Variants in AHRR observed in about 807,000 individuals in gnomAD.
AHRR encodes the protein ahR repressor.
A neutral mutation model predicts 44.0 loss-of-function variants in AHRR; 28 were observed. That is an observed-to-expected ratio of 0.64 (90% confidence interval 0.47 to 0.87). AHRR has a LOEUF of 0.87. Among genes scored for constraint, AHRR ranks in the 40% least tolerant of loss-of-function variants. AHRR has a pLI of 0.00. For missense variants in AHRR, 990 were observed against 953.9 expected, an observed-to-expected ratio of 1.04 and a Z score of -0.50; for synonymous variants, 434 against 407.0, an observed-to-expected ratio of 1.07 and a Z score of -0.80.
At chr5:432,592 TC>T in intron 9 of AHRR, 68 bp downstream of exon 9, 1 of 1,569,066 alleles carries the variant, frequency 6.4e-7, no homozygotes, top group Middle Eastern at 1.7e-4. Flanking sequence ...TTGGAGAGCT[TC>T]CCCGCCCAGT....
intron 2 of AHRR, among the ~76,000 whole-genome samples, chr5:348,333 C>CTTT (rs34078521): frequency 7.0e-6 from 1 of 142,030 alleles, no homozygotes; most frequent in Non-Finnish European, 1.5e-5. Flanking sequence ...TCCCCCCCTC[C>CTTT]TTTTTTTTTT....
At chr5:322,956 G>C (rs1456827601) in intron 1 of AHRR, among the ~76,000 whole-genome samples, 1 of 152,252 alleles carries the variant, frequency 6.6e-6, no homozygotes, top group Non-Finnish European at 1.5e-5. Context: ...CGGGAGAAAG[G>C]TTCTTAGAAA....
At chr5:355,546 G>C (rs1288877507) in intron 3 of AHRR, among the ~76,000 whole-genome samples, 1 of 152,170 alleles carries the variant, frequency 6.6e-6, no homozygotes, top group Admixed American at 6.5e-5. Context: ...GGTTGGAGGA[G>C]AGGCCAGGTC....
chr5:377,415 G>T (rs970150412), intron 4 of AHRR, among the ~76,000 whole-genome samples: 5 of 152,194 alleles, frequency 3.3e-5, no homozygotes. Flanking sequence ...CCCAGGATGG[G>T]GTTGAGTGGG....
At chr5:426,655 A>ATGGATGGG (rs975417066) in intron 7 of AHRR, among the ~76,000 whole-genome samples, 1 of 149,804 alleles carries the variant, frequency 6.7e-6, no homozygotes, top group East Asian at 2.0e-4. Context: ...AGATAGAAAG[A>ATGGATGGG]TGGATGGGTG....
rs207465421 is a variant in AHRR at position 432,954 on chromosome 5, G to T, written c.1112+7G>T. The T allele has an allele frequency of 1.9e-6, 3 of 1,585,276 alleles. No individual in the cohort carries two copies. The highest frequency in any genetic ancestry group is 8.6e-7 in the Non-Finnish European group (1 of 1,164,856). ...ACCCCAAGGGGGGCTCAGGGTAAGTGGTGCCAGGCAGCCTCCCCCAGCCCT... is the reference window on the plus strand; with the variant it reads ...ACCCCAAGGGGGGCTCAGGGTAAGTTGTGCCAGGCAGCCTCCCCCAGCCCT... On this transcript the variant is annotated splice_region_variant and intron_variant, in intron 10 of 10. Coordinates refer to ENST00000684583, the MANE Select transcript of AHRR (RefSeq NM_001377236.1).
rs2672752 is a variant in AHRR, at chr5:404,181, C to A, written c.352-9163C>A. 0.13 allele frequency: 68,036 copies of A among 531,412 alleles called. 6,783 individuals carry two copies. The highest frequency in any genetic ancestry group is 0.4 in the African/African-American group (20,763 of 52,304). The allele number at this position is 531,412 out of a possible 1,614,324, so 32.9% of individuals were successfully genotyped here. On this transcript the variant is annotated intron_variant, in intron 4 of 10. Transcript: ENST00000684583. The surrounding 1 kb of genome is among the most constrained non-coding windows in gnomAD (Gnocchi z 4.1). The stretch of plus-strand genomic sequence containing the variant: ...GGTGGGTCTGCATTCCTGTCACGAG[C>A]TGGTCTTCTGCAGCCTTTGAACCCG...
chr5:416,227 C>T (rs1383168264), intron 5 of AHRR, among the ~76,000 whole-genome samples: 2 of 152,218 alleles, frequency 1.3e-5, no homozygotes, highest in South Asian at 2.1e-4. Context: ...CAGGCCACTG[C>T]CCTGTTGGGA....
chr5:393,640 C>A (rs531085858), intron 4 of AHRR, among the ~76,000 whole-genome samples: 1 of 146,896 alleles, frequency 6.8e-6, no homozygotes, highest in Middle Eastern at 3.5e-3. Flanking sequence ...TATTTGTTTT[C>A]TTTGGTTTTT....
In AHRR at chr5:435,024, C is replaced by T; in HGVS notation, c.*190C>T. On this transcript the variant is annotated 3_prime_UTR_variant, in exon 11 of 11. Transcript: ENST00000684583. Reference sequence around the variant, plus strand: ...CTATCCTGAATTTTGTAAAATATCCCAACAGTTCTTAAATGAAAACTGGCC... The same window carrying T: ...CTATCCTGAATTTTGTAAAATATCCTAACAGTTCTTAAATGAAAACTGGCC... 4 of 760,312 alleles carry T rather than the reference C, an allele frequency of 5.3e-6. No individual in the cohort carries two copies. In the Middle Eastern group the frequency reaches 1.1e-3, roughly 218 times the overall value. 47.1% of individuals were successfully genotyped at this position (760,312 alleles called of 1,614,324 possible).
At chr5:431,234 G>A (rs935276563) in intron 8 of AHRR, among the ~76,000 whole-genome samples, 13 of 152,234 alleles carry the variant, frequency 8.5e-5, no homozygotes, top group African/African-American at 3.1e-4. Flanking sequence ...CAGGTGTGGG[G>A]CCGAAGGTCA....
At chr5:426,847 AGATGGATGGATGGGTG>A (rs996346020) in intron 7 of AHRR, among the ~76,000 whole-genome samples, 10 of 123,458 alleles carry the variant, frequency 8.1e-5, no homozygotes, top group Non-Finnish European at 1.7e-5. Flanking sequence ...AAACATGGAT[AGATGGATGGATGGGTG>A]GATGGATGGA....
At chr5:373,828 T>G (rs1743668001) in intron 3 of AHRR, among the ~76,000 whole-genome samples, 1 of 150,498 alleles carries the variant, frequency 6.6e-6, no homozygotes, top group African/African-American at 2.4e-5. Flanking sequence ...CTCCTGGGGC[T>G]CCTGGCGCCC....
At chr5:367,779 G>C (rs1743414124) in intron 3 of AHRR, 1 of 697,146 alleles carries the variant, frequency 1.4e-6, no homozygotes, top group African/African-American at 1.7e-5. Context: ...GCTGGGTTCT[G>C]TCCCCCTCCT....
At chr5:371,342 T>C (rs372544194) in intron 3 of AHRR, among the ~76,000 whole-genome samples, 3 of 152,322 alleles carry the variant, frequency 2.0e-5, no homozygotes, top group East Asian at 3.9e-4. Context: ...GTGACATCGG[T>C]CAGCACACTA....
Position 368,112 on chromosome 5 carries a change from G to A in AHRR, c.245-8498G>A, listed in dbSNP as rs1743432130. 1.5e-5 allele frequency: 9 copies of A among 597,046 alleles called. No individual in the cohort carries two copies. In the South Asian group the frequency reaches 1.8e-4, roughly 12 times the overall value. The allele number at this position is 597,046 out of a possible 1,614,324, so 37.0% of individuals were successfully genotyped here. Reference sequence around the variant, plus strand: ...CGAATTCATTATTTATAAACAAATGGAGACTCTGACAGCTGAGCTGGCACT... The same window carrying A: ...CGAATTCATTATTTATAAACAAATGAAGACTCTGACAGCTGAGCTGGCACT... On this transcript the variant is annotated intron_variant, in intron 3 of 10. Coordinates refer to ENST00000684583, the MANE Select transcript of AHRR (RefSeq NM_001377236.1).
intron 1 of AHRR, among the ~76,000 whole-genome samples, chr5:340,686 ATATTTTTTTTTT>A (rs1216777033): frequency 0.035 from 690 of 19,478 alleles, 20 homozygotes; most frequent in Non-Finnish European, 0.047. Flanking sequence ...ATATATATAT[ATATTTTTTTTTT>A]TTTTTTTTTT....
rs550595992 is a variant in AHRR at position 434,836 on chromosome 5, G to T, written c.*2G>T. 3 of 1,540,824 alleles carry T rather than the reference G, an allele frequency of 1.9e-6. No homozygotes were observed. Among genetic ancestry groups the T allele is most frequent in the East Asian group, 2.4e-5 (1 of 41,314 alleles). On this transcript the variant is annotated 3_prime_UTR_variant, in exon 11 of 11. Coordinates refer to ENST00000684583, the MANE Select transcript of AHRR (RefSeq NM_001377236.1). The stretch of plus-strand genomic sequence containing the variant: ...TCGGGGTGCACATTCCTGCCATAGC[G>T]CAGTGACCACCATCCAAGCTCAGAT...
At chr5:425,356 T>TC (rs1736335897) in intron 7 of AHRR, among the ~76,000 whole-genome samples, 1 of 152,232 alleles carries the variant, frequency 6.6e-6, no homozygotes, top group Non-Finnish European at 1.5e-5. Context: ...TCTCGCTCTG[T>TC]CACCCAGGCT....
Sources: allele counts gnomAD v4.1 joint callset (sites outside exome capture counted in the v4.1 genomes callset), GRCh38; gene constraint gnomAD v4.1.1; non-coding constraint Gnocchi (gnomAD v3.1); transcripts MANE v1.5; gene names NCBI Gene and HGNC (gene_info 2026-07-23, HGNC 2026-07-21).